Variants in DAND5 observed in about 807,000 individuals in gnomAD.
DAND5 encodes DAN domain BMP antagonist family member 5, also known as DAN domain family member 5.
In DAND5, 8 loss-of-function variants were observed where a neutral mutation model predicts 9.2. The observed-to-expected ratio is 0.87, with a 90% confidence interval of 0.51 to 1.56. The LOEUF (loss-of-function observed/expected upper bound fraction) is 1.56. Among genes scored for constraint, DAND5 ranks in the 40% most tolerant of loss-of-function variants. The pLI is 0.00. For synonymous variants in DAND5, 95 were observed against 101.1 expected (o/e 0.94, Z 0.36); for missense variants, 244 against 244.7 (o/e 1.00, Z 0.02).
Position 12,973,835 on chromosome 19 carries a change from G to T in DAND5, c.*201G>T. 1 of 639,916 alleles carries T rather than the reference G, an allele frequency of 1.6e-6. No individual in the cohort carries two copies. The highest frequency in any genetic ancestry group is 2.6e-6 in the Non-Finnish European group (1 of 385,836). The allele number at this position is 639,916 out of a possible 1,614,324, so 39.6% of individuals were successfully genotyped here. A position where few individuals can be genotyped will look rare whatever the true frequency, so the allele number is the denominator to read the frequency against. On this transcript the variant is annotated 3_prime_UTR_variant, in exon 2 of 2. Coordinates refer to ENST00000317060, the MANE Select transcript of DAND5 (RefSeq NM_152654.3). ...CCGTCCTGGAGTTGCACCACTGATA[G>T]TCACAGCACACAATGATTGACAACT...
chr19:12,973,360 C>T (rs1196935893), intron 1 of DAND5, 29 bp from the exon 2 acceptor site: 1 of 1,609,444 alleles, frequency 6.2e-7, no homozygotes, highest in Non-Finnish European at 8.5e-7. Context: ...ACTCCGCCAC[C>T]CTGACCGTCT....
At chr19:12,970,558 A>T (rs2011141085) in intron 1 of DAND5, 2 of 504,760 alleles carry the variant, frequency 4.0e-6, no homozygotes, top group African/African-American at 4.0e-5. Flanking sequence ...CTCTTGCTTG[A>T]TATACCAACT....
chr19:12,971,570 C>T (rs1026285645), intron 1 of DAND5, among the ~76,000 whole-genome samples: 1 of 151,966 alleles, frequency 6.6e-6, no homozygotes, highest in South Asian at 2.1e-4. Context: ...AGCCACTGCA[C>T]CCGGCCTTCT....
intron 1 of DAND5, 123 bp from the exon 2 acceptor site, chr19:12,973,266 C>T (rs2011156018): frequency 1.4e-6 from 2 of 1,397,566 alleles, no homozygotes; most frequent in South Asian, 1.4e-5. Context: ...AGGATTTGAA[C>T]CCAGGCAGCC....
At chr19:12,970,652 TCTTTCTTTC>T (rs2011142208) in intron 1 of DAND5, 1 of 476,414 alleles carries the variant, frequency 2.1e-6, no homozygotes, top group South Asian at 3.9e-5. Context: ...TTTCTTTCTT[TCTTTCTTTC>T]CTTTCTTTCT....
chr19:12,970,915 A>G (rs1301058532), intron 1 of DAND5, among the ~76,000 whole-genome samples: 2 of 152,158 alleles, frequency 1.3e-5, no homozygotes, highest in Non-Finnish European at 2.9e-5. Context: ...TCCTGACCTC[A>G]GGTGACCCGC....
chr19:12,971,027 A>G (rs78717369), intron 1 of DAND5, among the ~76,000 whole-genome samples: 2,648 of 152,216 alleles, frequency 0.017, 85 homozygotes, highest in African/African-American at 0.06. Flanking sequence ...TAAGCAGAGA[A>G]GGACCAGGAT....
At position 12,973,781 on chromosome 19, in the gene DAND5, C is replaced by A; in HGVS notation, c.*147C>A. 4.1e-6 allele frequency: 5 copies of A among 1,209,608 alleles called. No homozygotes were observed. The highest frequency in any genetic ancestry group is 5.7e-6 in the Non-Finnish European group (5 of 883,134). The allele number at this position is 1,209,608 out of a possible 1,614,324, so 74.9% of individuals were successfully genotyped here. On this transcript the variant is annotated 3_prime_UTR_variant, in exon 2 of 2. Coordinates refer to ENST00000317060, the MANE Select transcript of DAND5 (RefSeq NM_152654.3). ...GGCAGACAGGTCCCCAGAGTCCTCACCCTGCTCCCCAGACAGTAGACACAG... is the reference window on the plus strand; with the variant it reads ...GGCAGACAGGTCCCCAGAGTCCTCAACCTGCTCCCCAGACAGTAGACACAG...
intron 1 of DAND5, among the ~76,000 whole-genome samples, chr19:12,973,029 A>G (rs2011153620): frequency 1.3e-5 from 2 of 149,786 alleles, no homozygotes; most frequent in Admixed American, 1.3e-4. Flanking sequence ...CGCCCGGCTC[A>G]TTTTTTGTAT....
intron 1 of DAND5, among the ~76,000 whole-genome samples, chr19:12,972,629 C>G (rs2146066004): frequency 6.6e-6 from 1 of 152,130 alleles, no homozygotes; most frequent in South Asian, 2.1e-4. Context: ...CAACCTTCAC[C>G]TCCCAGGTTC....
Position 12,974,718 on chromosome 19 carries a change from G to A in DAND5, c.*1084G>A, listed in dbSNP as rs970674785. 1 of 152,528 alleles carries A rather than the reference G, an allele frequency of 6.6e-6. No individual in the cohort carries two copies. The allele number at this position is 152,528 out of a possible 1,614,324, so 9.4% of individuals were successfully genotyped here. A position where few individuals can be genotyped will look rare whatever the true frequency, so the allele number is the denominator to read the frequency against. ...CTCCACAGAGCCCCACGCCTGGCAT[G>A]GCATTCCACAGAAACCATAAAGGTT... On this transcript the variant is annotated 3_prime_UTR_variant, in exon 2 of 2. Transcript: ENST00000317060.
chr19:12,973,859 C>T lies in DAND5; in HGVS notation c.*225C>T. On this transcript the variant is annotated 3_prime_UTR_variant, in exon 2 of 2. Transcript: ENST00000317060. ...AGTCACAGCACACAATGATTGACAACTCACTTTTTTTTTTTTTTTTTGAGA... is the reference window on the plus strand; with the variant it reads ...AGTCACAGCACACAATGATTGACAATTCACTTTTTTTTTTTTTTTTTGAGA... 1 of 530,560 alleles carries T rather than the reference C, an allele frequency of 1.9e-6. No individual in the cohort carries two copies. The allele number at this position is 530,560 out of a possible 1,614,324, so 32.9% of individuals were successfully genotyped here. A position where few individuals can be genotyped will look rare whatever the true frequency, so the allele number is the denominator to read the frequency against.
rs1261197515 is a variant in DAND5, at chr19:12,974,400, C to T, written c.*766C>T. On this transcript the variant is annotated 3_prime_UTR_variant, in exon 2 of 2. Transcript: ENST00000317060. Reference sequence around the variant, plus strand: ...TCCCAAAGTGCTGGGATCAAATCCACTGTTAATCATTAGGCTGAACTGTCT... The same window carrying T: ...TCCCAAAGTGCTGGGATCAAATCCATTGTTAATCATTAGGCTGAACTGTCT... 1 of 152,678 alleles carries T rather than the reference C, an allele frequency of 6.5e-6. No individual in the cohort carries two copies. Among genetic ancestry groups the T allele is most frequent in the African/African-American group, 2.4e-5 (1 of 41,398 alleles). 9.5% of individuals were successfully genotyped at this position (152,678 alleles called of 1,614,324 possible).
Position 12,969,737 on chromosome 19 carries a change from C to T in DAND5, c.77C>T (p.Pro26Leu). The stretch of plus-strand genomic sequence containing the variant: ...CCTACAGGCTCAGGGAGGCCTGAAC[C>T]CCAGTCTCCTCGACCTCAGTCCTGG... The part of the protein sequence containing the change: ...ALPTGSGRPE[P>L]QSPRPQSWAA... The change falls in exon 1 of 2, where the codon CCC (proline) becomes CTC (leucine). Residue 26 changes from proline to leucine, a missense_variant. Transcript: ENST00000317060. 2 of 1,597,346 alleles carry T rather than the reference C, an allele frequency of 1.3e-6. No individual in the cohort carries two copies. The highest frequency in any genetic ancestry group is 1.7e-6 in the Non-Finnish European group (2 of 1,172,446).
chr19:12,970,598 C>CTT (rs2011141489), intron 1 of DAND5: 7 of 485,196 alleles, frequency 1.4e-5, no homozygotes, highest in Non-Finnish European at 2.6e-5. Flanking sequence ...CTTTCTTTTT[C>CTT]TCTTTCTTTC....
rs778396935 is a variant in DAND5, at chr19:12,973,550, T to C, written c.486T>C (p.Cys162=). The part of the protein sequence containing the change: ...RKRWAPVVLW[C]LTGSSASRRR... ...GTTGGGCACCCGTGGTCCTGTGGTG[T>C]CTCACTGGCAGCTCAGCCTCCCGTC... Residue 162 remains cysteine (C), a synonymous_variant, in exon 2 of 2, where the codon TGT becomes TGC. Transcript: ENST00000317060. 4 of 1,614,014 alleles carry C rather than the reference T, an allele frequency of 2.5e-6. No individual in the cohort carries two copies. The highest frequency in any genetic ancestry group is 2.5e-6 in the Non-Finnish European group (3 of 1,180,024).
intron 1 of DAND5, among the ~76,000 whole-genome samples, chr19:12,973,151 C>T (rs569415757): frequency 9.5e-4 from 144 of 152,260 alleles, no homozygotes; most frequent in Admixed American, 1.3e-3. Flanking sequence ...CGTGAGCCAC[C>T]GCGCCCGGCC....
At chr19:12,972,033 G>A (rs1420867603) in intron 1 of DAND5, among the ~76,000 whole-genome samples, 1 of 151,264 alleles carries the variant, frequency 6.6e-6, no homozygotes, top group Non-Finnish European at 1.5e-5. Context: ...TAGGCCTACA[G>A]ACGCACAGCA....
chr19:12,973,069 G>A (rs4804746), intron 1 of DAND5, among the ~76,000 whole-genome samples: 151,071 of 151,528 alleles, frequency 1, 75,311 homozygotes, highest in Middle Eastern at 1. Context: ...TCACCGTGTT[G>A]GCCAGGATGG....
Sources: allele counts gnomAD v4.1 joint callset (sites outside exome capture counted in the v4.1 genomes callset), GRCh38; gene constraint gnomAD v4.1.1; transcripts MANE v1.5; gene names NCBI Gene and HGNC (gene_info 2026-07-23, HGNC 2026-07-21).